The following MANBA variants were observed in gnomAD, a reference collection of about 807,000 sequenced individuals.
MANBA encodes the protein mannosidase beta, also known as beta-mannosidase.
A neutral mutation model predicts 111.1 loss-of-function variants in MANBA; 83 were observed. That is an observed-to-expected ratio of 0.75 (90% CI 0.63 to 0.90). The LOEUF is 0.90. MANBA is among the 40% of genes least tolerant of loss of function. The probability of loss-of-function intolerance (pLI) is 0.00; values close to 1 mark genes in which losing one functional copy is unlikely to be tolerated. For synonymous variants in MANBA, 370 were observed against 378.7 expected, an observed-to-expected ratio of 0.98 and a Z score of 0.27; for missense variants, 1,036 against 1,069.0, an observed-to-expected ratio of 0.97 and a Z score of 0.43.
chr4:102,754,353 TA>T (rs1363606804), intron 1 of MANBA, among the ~76,000 whole-genome samples: 1 of 152,034 alleles, frequency 6.6e-6, no homozygotes, highest in Non-Finnish European at 1.5e-5. Context: ...AAAATTTAGT[TA>T]AAAGGATCCT....
chr4:102,706,266 C>A (rs1230138638), intron 5 of MANBA, among the ~76,000 whole-genome samples: 1 of 152,166 alleles, frequency 6.6e-6, no homozygotes, highest in Non-Finnish European at 1.5e-5. Flanking sequence ...TTCTTGATGA[C>A]CCCATCCCCA....
Position 102,639,735 on chromosome 4 carries a change from T to C in MANBA, c.1992A>G (p.Gln664=), listed in dbSNP as rs770158311. ...TACCAAGAGAAGCCCAGGAAGGAGC[T>C]TGCCAGATGTCATTCAACTGCCAAT... ...ALYWQLNDIW[Q]APSWASLEYG... is the part of the protein sequence containing the mutation. The change falls in exon 14 of 17, where the codon CAA becomes CAG. Residue 664 remains glutamine (Q), a synonymous_variant. Transcript: ENST00000647097. 1.9e-6 allele frequency: 3 copies of C among 1,614,172 alleles called. No homozygotes were observed. Among genetic ancestry groups the C allele is most frequent in the Non-Finnish European group, 2.5e-6 (3 of 1,180,016 alleles).
intron 4 of MANBA, among the ~76,000 whole-genome samples, chr4:102,719,532 G>A (rs1441012996): frequency 6.6e-6 from 1 of 152,118 alleles, no homozygotes; most frequent in Non-Finnish European, 1.5e-5. Context: ...GAAGATAACA[G>A]GATTAAGAGA....
At chr4:102,679,474 C>T (rs915019997) in intron 7 of MANBA, 14 of 151,150 alleles carry the variant, frequency 9.3e-5, no homozygotes, top group Non-Finnish European at 1.9e-4. Context: ...CAAATATTAG[C>T]GTACAAAAAA....
intron 10 of MANBA, chr4:102,665,063 A>G (rs1278514371): frequency 1.8e-6 from 1 of 555,200 alleles, no homozygotes; most frequent in Non-Finnish European, 3.2e-6. Context: ...ATAAACACTG[A>G]TACATAGGGT....
chr4:102,671,531 A>G, intron 8 of MANBA, 133 bp from the exon 9 acceptor site: 1 of 670,508 alleles, frequency 1.5e-6, no homozygotes, highest in Non-Finnish European at 2.7e-6. Flanking sequence ...TAAATTAAAG[A>G]AAGTAAGATA....
At chr4:102,662,368 T>A (rs1216151761) in intron 11 of MANBA, among the ~76,000 whole-genome samples, 1 of 151,900 alleles carries the variant, frequency 6.6e-6, no homozygotes, top group East Asian at 1.9e-4. Context: ...GCTGAAACCC[T>A]GTCTCTATGA....
At position 102,635,884 on chromosome 4, in the gene MANBA, T is replaced by A. The variant is rs773650770; in HGVS notation, c.2138A>T (p.Asp713Val). 1.5e-4 allele frequency: 241 copies of A among 1,612,628 alleles called. 1 individual carries two copies. The highest frequency in any genetic ancestry group is 2.0e-4 in the Non-Finnish European group (236 of 1,178,588). Residue 713 changes from aspartate (D) to valine (V), a missense_variant, in exon 15 of 17, where the codon GAT becomes GTT. Asp to Val is a radical substitution (Grantham distance 152). Transcript: ENST00000647097. ...ACTTACACTGAGTGTCATCGAATAA[T>A]CCGAGTGAAGATCTGACACACCATA... Reference protein sequence around the residue: ...YIYGVSDLHSDYSMTLSVRVH... With the variant: ...YIYGVSDLHSVYSMTLSVRVH...
chr4:102,650,959 GT>G, intron 12 of MANBA: 1 of 419,724 alleles, frequency 2.4e-6, no homozygotes, highest in Non-Finnish European at 4.3e-6. Context: ...ATATTTTGAT[GT>G]TTCTCTTAAG....
intron 11 of MANBA, 38 bp downstream of exon 11, chr4:102,664,647 C>T: frequency 3.2e-6 from 5 of 1,570,464 alleles, no homozygotes; most frequent in Non-Finnish European, 4.4e-6. Flanking sequence ...CCTAAAGATA[C>T]ATTCTTAAAT....
chr4:102,660,488 A>C (rs1730886155), intron 11 of MANBA, among the ~76,000 whole-genome samples: 2 of 152,098 alleles, frequency 1.3e-5, no homozygotes, highest in African/African-American at 4.8e-5. Context: ...TAAAAGACAG[A>C]ATGTTGCCCA....
At chr4:102,721,255 C>T (rs60205162) in intron 4 of MANBA, among the ~76,000 whole-genome samples, 1,810 of 152,044 alleles carry the variant, frequency 0.012, 29 homozygotes, top group African/African-American at 0.032. Context: ...ACACGGGAGG[C>T]GGAGGTTGCA....
At chr4:102,689,799 T>C (rs1222430782) in intron 6 of MANBA, 115 bp from the exon 7 acceptor site, 4 of 700,522 alleles carry the variant, frequency 5.7e-6, no homozygotes, top group African/African-American at 5.4e-5. Context: ...TCTAAAACAA[T>C]GTAAGTCTCC....
chr4:102,722,931 A>G lies in MANBA; in HGVS notation c.489T>C (p.Val163=). The G allele has an allele frequency of 6.2e-7, 1 of 1,614,098 alleles. No individual in the cohort carries two copies. The highest frequency in any genetic ancestry group is 1.7e-5 in the Admixed American group (1 of 60,010). The part of the protein sequence containing the change: ...QQSKAHTRYQ[V]PPDCPPLVQK... Reference sequence around the variant, plus strand: ...GCACAAGTGGAGGGCAGTCTGGGGGAACCTGGTAGCGAGTGTGAGCTTTGC... The same window carrying G: ...GCACAAGTGGAGGGCAGTCTGGGGGGACCTGGTAGCGAGTGTGAGCTTTGC... The change falls in exon 4 of 17, where the codon GTT becomes GTC. Residue 163 remains valine (V), a synonymous_variant. Transcript: ENST00000647097.
chr4:102,728,043 CT>C, intron 1 of MANBA: 1 of 497,912 alleles, frequency 2.0e-6, no homozygotes. Context: ...ACAGGTAGGG[CT>C]TTTGCAGGGG....
At chr4:102,646,171 C>T (rs1393146905) in intron 13 of MANBA, among the ~76,000 whole-genome samples, 1 of 152,028 alleles carries the variant, frequency 6.6e-6, no homozygotes, top group Admixed American at 6.6e-5. Context: ...TTAGTAGATA[C>T]CCAAAGAATG....
intron 12 of MANBA, among the ~76,000 whole-genome samples, chr4:102,653,590 A>G (rs1199358770): frequency 6.6e-6 from 1 of 152,184 alleles, no homozygotes; most frequent in Non-Finnish European, 1.5e-5. Flanking sequence ...CCAATCACCT[A>G]TTCAAATTCT....
At chr4:102,685,547 C>T (rs1241622475) in intron 7 of MANBA, among the ~76,000 whole-genome samples, 3 of 151,968 alleles carry the variant, frequency 2.0e-5, no homozygotes, top group Non-Finnish European at 2.9e-5. Context: ...AAAGTGAATC[C>T]ATCCTCTTCT....
chr4:102,643,028 A>G (rs1016099929), intron 13 of MANBA, among the ~76,000 whole-genome samples: 4 of 152,174 alleles, frequency 2.6e-5, no homozygotes, highest in Admixed American at 6.5e-5. Flanking sequence ...CACAGTCATA[A>G]GGTTGCACAA....
Sources: allele counts gnomAD v4.1 joint callset (sites outside exome capture counted in the v4.1 genomes callset), GRCh38; gene constraint gnomAD v4.1.1; transcripts MANE v1.5; gene names NCBI Gene and HGNC (gene_info 2026-07-23, HGNC 2026-07-21).